The following TSG101 variants were observed in gnomAD, a reference collection of about 807,000 sequenced individuals.
TSG101 encodes tumor susceptibility 101.
A neutral mutation model predicts 48.5 loss-of-function variants in TSG101; 19 were observed. The ratio of observed to expected loss-of-function variants is 0.39; its 90% CI spans 0.27 to 0.58. The LOEUF is 0.58. Ranked by LOEUF, TSG101 falls within the 20% of genes least tolerant of loss-of-function variation. The pLI is 0.55. For missense variants in TSG101, 365 were observed against 484.4 expected, an observed-to-expected ratio of 0.75 and a Z score of 2.31; for synonymous variants, 174 against 169.4, an observed-to-expected ratio of 1.03 and a Z score of -0.21.
intron 2 of TSG101, among the ~76,000 whole-genome samples, chr11:18,517,684 C>T (rs1850202574): frequency 6.6e-6 from 1 of 152,206 alleles, no homozygotes; most frequent in African/African-American, 2.4e-5. Flanking sequence ...CTAGGAGCAA[C>T]AGGCTATGCC....
intron 7 of TSG101, among the ~76,000 whole-genome samples, chr11:18,486,177 C>T (rs1046071672): frequency 2.0e-5 from 3 of 152,244 alleles, no homozygotes; most frequent in Non-Finnish European, 4.4e-5. Flanking sequence ...AACTCCCTGT[C>T]TTGCTCACTC....
Position 18,526,837 on chromosome 11 carries a change from C to G in TSG101, c.-21G>C, listed in dbSNP as rs1255026579. ...GCCATGACGGCCGCCTGGCGACTCC[C>G]TTCCCCGCAGGCAGAGGGTCAGCCG... On this transcript the variant is annotated 5_prime_UTR_variant, in exon 1 of 10. Coordinates refer to ENST00000251968, the MANE Select transcript of TSG101 (RefSeq NM_006292.4). The G allele has an allele frequency of 2.5e-6, 4 of 1,598,996 alleles. No individual in the cohort carries two copies. The highest frequency in any genetic ancestry group is 3.4e-6 in the Non-Finnish European group (4 of 1,178,326).
chr11:18,484,113 A>C (rs1368436154), intron 7 of TSG101, 41 bp from the exon 8 acceptor site: 1 of 1,602,604 alleles, frequency 6.2e-7, no homozygotes, highest in Admixed American at 1.7e-5. Context: ...TTACTTCCCA[A>C]GTTCCTTCTA....
intron 2 of TSG101, 145 bp downstream of exon 2, chr11:18,519,374 T>C: frequency 3.1e-6 from 2 of 643,784 alleles, no homozygotes; most frequent in Non-Finnish European, 5.4e-6. Context: ...ATCTTCTAAT[T>C]TGCTACCCTC....
intron 4 of TSG101, among the ~76,000 whole-genome samples, chr11:18,512,612 G>A (rs996363197): frequency 6.6e-6 from 1 of 151,620 alleles, no homozygotes; most frequent in African/African-American, 2.4e-5. Flanking sequence ...GCTAGACATT[G>A]TGAAAAATTA....
chr11:18,490,330 C>A, intron 7 of TSG101: 1 of 597,612 alleles, frequency 1.7e-6, no homozygotes, highest in South Asian at 1.4e-5. Flanking sequence ...AGAGTGCTGT[C>A]TTTATAAGAC....
At chr11:18,495,134 T>C (rs78766998) in intron 7 of TSG101, among the ~76,000 whole-genome samples, 4,052 of 152,306 alleles carry the variant, frequency 0.027, 183 homozygotes, top group African/African-American at 0.091. Context: ...GATCCTTGTT[T>C]ATTTGATTTT....
At chr11:18,496,303 G>A (rs1565085824) in intron 7 of TSG101, among the ~76,000 whole-genome samples, 1 of 151,738 alleles carries the variant, frequency 6.6e-6, no homozygotes, top group South Asian at 2.1e-4. Flanking sequence ...ATTAGTGGGT[G>A]TGGTGGCACA....
intron 7 of TSG101, among the ~76,000 whole-genome samples, chr11:18,499,359 T>C (rs1416805621): frequency 1.0e-5 from 1 of 98,512 alleles, no homozygotes; most frequent in Non-Finnish European, 2.0e-5. Context: ...TATATGTTTA[T>C]ATATAAATAT....
chr11:18,486,215 G>A (rs1260585085), intron 7 of TSG101, among the ~76,000 whole-genome samples: 2 of 152,186 alleles, frequency 1.3e-5, no homozygotes, highest in African/African-American at 2.4e-5. Context: ...CCCATTCTTT[G>A]TGGGCACAGG....
Position 18,516,094 on chromosome 11 carries a change from T to C in TSG101, c.193+5A>G. ...TCTATGCTGGAAACCTAATAAGACA[T>C]TTACCTCTATAAGGCACAGGGATTG... On this transcript the variant is annotated splice_donor_5th_base_variant and intron_variant, in intron 3 of 9. Transcript: ENST00000251968. 1 of 1,612,880 alleles carries C rather than the reference T, an allele frequency of 6.2e-7. No individual in the cohort carries two copies. The highest frequency in any genetic ancestry group is 8.5e-7 in the Non-Finnish European group (1 of 1,179,320).
rs775095576 is a variant in TSG101 at position 18,506,891 on chromosome 11, A to G, written c.514T>C (p.Ser172Pro). 6.2e-7 allele frequency: 1 copy of G among 1,607,444 alleles called. No homozygotes were observed. Among genetic ancestry groups the G allele is most frequent in the South Asian group, 1.1e-5 (1 of 89,770 alleles). ...SYMPGMPGGI[S>P]PYPSGYPPNP... ...GGAGGGTATCCGGATGGGTATGGAGAGATTCCACCTGGCATGCCTGGCATG... is the reference window on the plus strand; with the variant it reads ...GGAGGGTATCCGGATGGGTATGGAGGGATTCCACCTGGCATGCCTGGCATG... Residue 172 changes from serine (S) to proline (P), a missense_variant, in exon 6 of 10, where the codon TCT becomes CCT. Coordinates refer to ENST00000251968, the MANE Select transcript of TSG101 (RefSeq NM_006292.4).
intron 7 of TSG101, among the ~76,000 whole-genome samples, chr11:18,496,487 TAAAATAAAATAAAATAAAATA>T (rs1849784019): frequency 6.8e-6 from 1 of 146,950 alleles, no homozygotes; most frequent in Admixed American, 6.8e-5. Flanking sequence ...TAAAATAAAA[TAAAATAAAATAAAATAAAATA>T]AATCTACAGA....
At chr11:18,490,387 T>C (rs2133907489) in intron 7 of TSG101, 1 of 597,420 alleles carries the variant, frequency 1.7e-6, no homozygotes, top group African/African-American at 1.9e-5. Context: ...TCAAATACTG[T>C]TTTTGCCAGG....
At chr11:18,503,661 C>G (rs1426731371) in intron 6 of TSG101, among the ~76,000 whole-genome samples, 4 of 152,018 alleles carry the variant, frequency 2.6e-5, no homozygotes, top group African/African-American at 7.2e-5. Flanking sequence ...TGTGAGCCAC[C>G]GCACCCAGCC....
chr11:18,480,490 A>C lies in TSG101; in HGVS notation c.*56T>G. Reference sequence around the variant, plus strand: ...AACTTATTCTGGGCACCTACTGATAAAAGGAAGAGAAGAATACTTTAAGAA... The same window carrying C: ...AACTTATTCTGGGCACCTACTGATACAAGGAAGAGAAGAATACTTTAAGAA... On this transcript the variant is annotated 3_prime_UTR_variant, in exon 10 of 10. Transcript: ENST00000251968. 7.1e-7 allele frequency: 1 copy of C among 1,414,158 alleles called. No individual in the cohort carries two copies. 87.6% of individuals were successfully genotyped at this position (1,414,158 alleles called of 1,614,324 possible).
intron 2 of TSG101, among the ~76,000 whole-genome samples, chr11:18,516,444 A>C (rs1850175263): frequency 6.6e-6 from 1 of 151,670 alleles, no homozygotes; most frequent in Admixed American, 6.6e-5. Flanking sequence ...TCCTGGGTTC[A>C]AGCGATTCTC....
chr11:18,516,189 A>G, intron 2 of TSG101, 25 bp from the exon 3 acceptor site: 1 of 1,603,840 alleles, frequency 6.2e-7, no homozygotes, highest in Non-Finnish European at 8.5e-7. Context: ...CAATGATTTA[A>G]TCATGAGCAT....
At position 18,526,865 on chromosome 11, in the gene TSG101, GC is replaced by G; in HGVS notation, c.-50del. 6.3e-7 allele frequency: 1 copy of G among 1,581,240 alleles called. No homozygotes were observed. Among genetic ancestry groups the G allele is most frequent in the Non-Finnish European group, 8.5e-7 (1 of 1,169,756 alleles). ...CCCCGCAGGCAGAGGGTCAGCCGCT[GC>G]TGGGCTGCCCCAGACCGTCCCACAC... is the stretch of plus-strand genomic sequence containing the variant. On this transcript the variant is annotated 5_prime_UTR_variant, in exon 1 of 10. Coordinates refer to ENST00000251968, the MANE Select transcript of TSG101 (RefSeq NM_006292.4).
Sources: allele counts gnomAD v4.1 joint callset (sites outside exome capture counted in the v4.1 genomes callset), GRCh38; gene constraint gnomAD v4.1.1; transcripts MANE v1.5; gene names NCBI Gene and HGNC (gene_info 2026-07-23, HGNC 2026-07-21).